RALGAPA1: variants seen among roughly 807,000 people sequenced by gnomAD.
The protein encoded by RALGAPA1 is ral GTPase-activating protein subunit alpha-1.
RALGAPA1 carries 52 observed loss-of-function variants against 269.6 expected under a neutral mutation model. The ratio of observed to expected loss-of-function variants is 0.19; its 90% CI spans 0.15 to 0.24. The LOEUF (loss-of-function observed/expected upper bound fraction) is 0.24, where lower values mean the gene tolerates loss of function less well. Ranked by LOEUF, RALGAPA1 falls within the 10% of genes least tolerant of loss-of-function variation. RALGAPA1 has a pLI of 1.00. For missense variants in RALGAPA1, 1,917 were observed against 3,013.9 expected, an observed-to-expected ratio of 0.64 and a Z score of 8.52; for synonymous variants, 817 against 1,008.3, an observed-to-expected ratio of 0.81 and a Z score of 3.60.
At chr14:35,799,116 T>C (rs919374837) in intron 1 of RALGAPA1, among the ~76,000 whole-genome samples, 1 of 151,992 alleles carries the variant, frequency 6.6e-6, no homozygotes, top group Non-Finnish European at 1.5e-5. Flanking sequence ...CAAAATAATA[T>C]AGTGTATGGC....
intron 16 of RALGAPA1, among the ~76,000 whole-genome samples, chr14:35,704,089 T>C (rs926029827): frequency 3.9e-5 from 6 of 152,198 alleles, no homozygotes; most frequent in African/African-American, 1.2e-4. Flanking sequence ...ATTCACATTA[T>C]GTATACATTC....
chr14:35,543,361 T>C (rs1211482902), intron 41 of RALGAPA1, among the ~76,000 whole-genome samples: 2 of 152,132 alleles, frequency 1.3e-5, no homozygotes, highest in Non-Finnish European at 2.9e-5. Flanking sequence ...AGATGAGGAT[T>C]AGAAACGAAG....
chr14:35,618,298 T>C (rs1421655733), intron 35 of RALGAPA1, among the ~76,000 whole-genome samples: 2 of 152,066 alleles, frequency 1.3e-5, no homozygotes, highest in Non-Finnish European at 2.9e-5. Context: ...AGCTCAAAAA[T>C]GCAAATATCA....
chr14:35,661,721 G>A (rs897156123), intron 27 of RALGAPA1, among the ~76,000 whole-genome samples: 2 of 152,162 alleles, frequency 1.3e-5, no homozygotes, highest in East Asian at 1.9e-4. Flanking sequence ...AGTTCCTTAA[G>A]AGGATCAACC....
chr14:35,743,602 G>C (rs1424008766), intron 10 of RALGAPA1, among the ~76,000 whole-genome samples: 1 of 152,054 alleles, frequency 6.6e-6, no homozygotes, highest in African/African-American at 2.4e-5. Flanking sequence ...TCCTGCCTCT[G>C]TCTCCTGAGT....
intron 1 of RALGAPA1, among the ~76,000 whole-genome samples, chr14:35,798,168 C>T (rs1480632854): frequency 2.2e-5 from 3 of 138,260 alleles, no homozygotes; most frequent in Admixed American, 7.0e-5. Flanking sequence ...CTAACACGCT[C>T]GGCTTTTTTT....
intron 31 of RALGAPA1, among the ~76,000 whole-genome samples, chr14:35,645,769 CA>C (rs2062400035): frequency 6.6e-6 from 1 of 151,248 alleles, no homozygotes; most frequent in Non-Finnish European, 1.5e-5. Flanking sequence ...TAGCAATGTG[CA>C]TGCCTAGTTC....
intron 39 of RALGAPA1, among the ~76,000 whole-genome samples, chr14:35,569,235 CATAAG>C (rs1490411680): frequency 6.6e-6 from 1 of 151,948 alleles, no homozygotes; most frequent in Admixed American, 6.6e-5. Context: ...TGGACTGGAA[CATAAG>C]ATATTTTTAA....
intron 31 of RALGAPA1, among the ~76,000 whole-genome samples, chr14:35,636,068 G>A (rs888176749): frequency 2.0e-5 from 3 of 149,172 alleles, no homozygotes; most frequent in South Asian, 2.1e-4. Flanking sequence ...CACTGAACAC[G>A]CTTTTTTGTT....
intron 12 of RALGAPA1, among the ~76,000 whole-genome samples, chr14:35,729,028 C>T (rs2070225722): frequency 6.6e-6 from 1 of 152,018 alleles, no homozygotes; most frequent in Admixed American, 6.5e-5. Flanking sequence ...AGCCACTGCA[C>T]CTGGCCTAAA....
intron 41 of RALGAPA1, among the ~76,000 whole-genome samples, chr14:35,545,824 A>G (rs1167090155): frequency 6.6e-6 from 1 of 152,124 alleles, no homozygotes; most frequent in Non-Finnish European, 1.5e-5. Context: ...ATTGGGAGAA[A>G]CATGTACATA....
chr14:35,557,132 GTGTGTA>G lies in RALGAPA1; in HGVS notation c.7497-7904_7497-7899del, dbSNP rs780788795. 2.3e-3 allele frequency among the ~76,000 whole-genome samples: 296 copies of G among 128,916 alleles called. 2 individuals are homozygous for G. Among genetic ancestry groups the G allele is most frequent in the African/African-American group, 9.3e-3 (249 of 26,898 alleles). The allele number at this position is 128,916 out of a possible 152,430, so 84.6% of individuals were successfully genotyped here. A position where few individuals can be genotyped will look rare whatever the true frequency, so the allele number is the denominator to read the frequency against. On this transcript the variant is annotated intron_variant, in intron 39 of 41. Transcript: ENST00000680220. ...TGTGTGTGTGTGTGTGTGTGTGTGT[GTGTGTA>G]TATATATTCTATTTTCATGAAAGTT...
intron 1 of RALGAPA1, among the ~76,000 whole-genome samples, chr14:35,791,661 C>T (rs1482227205): frequency 2.0e-4 from 30 of 151,188 alleles, no homozygotes; most frequent in Admixed American, 1.9e-3. Context: ...AATCCCAACA[C>T]TTTGGGAGGC....
chr14:35,741,176 T>A (rs1252305461), intron 11 of RALGAPA1, among the ~76,000 whole-genome samples: 4 of 152,224 alleles, frequency 2.6e-5, no homozygotes, highest in Non-Finnish European at 2.9e-5. Context: ...TCCATCATTC[T>A]TATTTAAGAA....
chr14:35,685,041 A>G lies in RALGAPA1; in HGVS notation c.4182T>C (p.Gly1394=), dbSNP rs781444736. The G allele has an allele frequency of 3.7e-6, 6 of 1,609,270 alleles. No homozygotes were observed. Among genetic ancestry groups the G allele is most frequent in the Non-Finnish European group, 5.1e-6 (6 of 1,177,742 alleles). The stretch of plus-strand genomic sequence containing the variant: ...CAGGAGAAGTCCATTCTGAGGGCAC[A>G]CCTGGGTCATCAATAGGGCGCATCT... ...QNQMRPIDDP[G]VPSEWTSPAS... The change falls in exon 20 of 42, where the codon GGT becomes GGC. Residue 1394 remains glycine (G), a synonymous_variant. Transcript: ENST00000680220.
intron 38 of RALGAPA1, among the ~76,000 whole-genome samples, chr14:35,571,366 T>C (rs961946494): frequency 6.7e-6 from 1 of 149,638 alleles, no homozygotes; most frequent in Non-Finnish European, 1.5e-5. Flanking sequence ...CTCTCTGTTG[T>C]ATATTCTTCA....
intron 21 of RALGAPA1, 38 bp downstream of exon 21, chr14:35,683,771 A>T: frequency 6.8e-7 from 1 of 1,476,204 alleles, no homozygotes; most frequent in Non-Finnish European, 9.2e-7. Context: ...AGGCTTAAAA[A>T]ATACATTTAA....
intron 41 of RALGAPA1, among the ~76,000 whole-genome samples, chr14:35,545,372 G>A (rs1020526590): frequency 2.0e-5 from 3 of 151,766 alleles, no homozygotes; most frequent in East Asian, 1.9e-4. Context: ...GCACAACTGA[G>A]GTTAGAAGGC....
chr14:35,797,954 C>A (rs752470478), intron 1 of RALGAPA1, among the ~76,000 whole-genome samples: 9 of 151,652 alleles, frequency 5.9e-5, no homozygotes, highest in Non-Finnish European at 1.2e-4. Context: ...CTCACTGCAG[C>A]CTCGACCTCC....
Sources: allele counts gnomAD v4.1 joint callset (sites outside exome capture counted in the v4.1 genomes callset), GRCh38; gene constraint gnomAD v4.1.1; transcripts MANE v1.5; gene names NCBI Gene and HGNC (gene_info 2026-07-23, HGNC 2026-07-21).